Variants in NCKAP5 observed in about 807,000 individuals in gnomAD.
The protein encoded by NCKAP5 is NCK associated protein 5.
Under a neutral mutation model 167.0 loss-of-function variants are expected in NCKAP5, and 92 were observed. The ratio of observed to expected loss-of-function variants is 0.55; its 90% CI spans 0.47 to 0.66. The LOEUF (loss-of-function observed/expected upper bound fraction) is 0.66, where lower values mean the gene tolerates loss of function less well. Ranked by LOEUF, NCKAP5 falls within the 30% of genes least tolerant of loss-of-function variation. The pLI is 0.00. For missense variants in NCKAP5, 2,378 were observed against 2,315.0 expected, an observed-to-expected ratio of 1.03 and a Z score of -0.56; for synonymous variants, 891 against 877.4, an observed-to-expected ratio of 1.02 and a Z score of -0.27.
chr2:133,563,769 C>T (rs1219427296), intron 1 of NCKAP5, among the ~76,000 whole-genome samples: 2 of 152,092 alleles, frequency 1.3e-5, no homozygotes, highest in Non-Finnish European at 2.9e-5. Flanking sequence ...ATGACCAAAA[C>T]GTCATTGTGG....
At chr2:132,850,000 C>A (rs189382127) in intron 11 of NCKAP5, among the ~76,000 whole-genome samples, 3 of 152,264 alleles carry the variant, frequency 2.0e-5, no homozygotes, top group East Asian at 1.9e-4. Flanking sequence ...GAATGTGCAA[C>A]CTTGCAAAAG....
chr2:133,012,297 G>C (rs748436459), intron 6 of NCKAP5, among the ~76,000 whole-genome samples: 31 of 152,234 alleles, frequency 2.0e-4, no homozygotes, highest in Middle Eastern at 3.4e-3. Flanking sequence ...ACCCAGGCTG[G>C]AGGGCAGTGG....
the NCKAP5 span, among the ~76,000 whole-genome samples, chr2:133,646,199 C>A: frequency 6.6e-6 from 1 of 151,714 alleles, no homozygotes; most frequent in South Asian, 2.1e-4. Context: ...TGGATTAAAG[C>A]ACAAAGAAAT....
intron 16 of NCKAP5, among the ~76,000 whole-genome samples, chr2:132,747,970 A>G (rs534214763): frequency 6.6e-6 from 1 of 152,284 alleles, no homozygotes; most frequent in African/African-American, 2.4e-5. Flanking sequence ...AAGCATTCTG[A>G]ATCAGTAAGG....
intron 6 of NCKAP5, among the ~76,000 whole-genome samples, chr2:133,023,665 G>A (rs2149399148): frequency 6.6e-6 from 1 of 152,228 alleles, no homozygotes; most frequent in Non-Finnish European, 1.5e-5. Flanking sequence ...TATACGTAGT[G>A]CTTAGCTCCT....
At chr2:132,946,213 G>A (rs1287213479) in intron 8 of NCKAP5, among the ~76,000 whole-genome samples, 1 of 152,176 alleles carries the variant, frequency 6.6e-6, no homozygotes, top group Non-Finnish European at 1.5e-5. Flanking sequence ...CAAGTCTGCT[G>A]CAGCAAAAGC....
chr2:133,028,188 T>G (rs1341080236), intron 6 of NCKAP5, among the ~76,000 whole-genome samples: 1 of 152,116 alleles, frequency 6.6e-6, no homozygotes, highest in African/African-American at 2.4e-5. Context: ...GTCCTTAACA[T>G]TTTTTTATTC....
At chr2:133,024,165 A>AG (rs2078620681) in intron 6 of NCKAP5, among the ~76,000 whole-genome samples, 1 of 152,240 alleles carries the variant, frequency 6.6e-6, no homozygotes, top group Non-Finnish European at 1.5e-5. Flanking sequence ...TTGCAGATAT[A>AG]GTACAAGCTC....
chr2:133,112,425 G>C (rs1034889484), intron 6 of NCKAP5, among the ~76,000 whole-genome samples: 1 of 151,846 alleles, frequency 6.6e-6, no homozygotes, highest in East Asian at 1.9e-4. Flanking sequence ...AGTGAGCCAA[G>C]ATCGCACCAC....
At chr2:133,416,475 G>GA (rs1267358629) in intron 3 of NCKAP5, among the ~76,000 whole-genome samples, 1 of 152,040 alleles carries the variant, frequency 6.6e-6, no homozygotes, top group African/African-American at 2.4e-5. Flanking sequence ...CCATAAAAGA[G>GA]AAAAAATGCT....
chr2:133,141,329 A>T (rs1044897431), intron 5 of NCKAP5, among the ~76,000 whole-genome samples: 3 of 151,786 alleles, frequency 2.0e-5, no homozygotes, highest in African/African-American at 7.3e-5. Flanking sequence ...AAACAAAGCC[A>T]TTTATAATTC....
intron 7 of NCKAP5, among the ~76,000 whole-genome samples, chr2:132,989,813 C>T (rs1344726615): frequency 3.3e-5 from 5 of 152,068 alleles, no homozygotes; most frequent in African/African-American, 1.2e-4. Flanking sequence ...TTGGCATTTG[C>T]GAGTTCATCC....
chr2:133,529,372 A>G (rs2104818541), intron 2 of NCKAP5, among the ~76,000 whole-genome samples: 1 of 152,154 alleles, frequency 6.6e-6, no homozygotes, highest in South Asian at 2.1e-4. Flanking sequence ...TTGTTCCGTG[A>G]CTGCATTTGT....
the NCKAP5 span, among the ~76,000 whole-genome samples, chr2:133,647,274 C>G: frequency 1.3e-5 from 2 of 150,516 alleles, no homozygotes; most frequent in African/African-American, 4.9e-5. Flanking sequence ...GAATTAGATG[C>G]TGCAATGAGC....
intron 6 of NCKAP5, among the ~76,000 whole-genome samples, chr2:133,043,121 T>C (rs758055031): frequency 3.9e-5 from 6 of 152,154 alleles, no homozygotes; most frequent in Non-Finnish European, 5.9e-5. Flanking sequence ...ACCCTGACAA[T>C]GCTCCTGTTG....
intron 3 of NCKAP5, among the ~76,000 whole-genome samples, chr2:133,346,386 G>A (rs1199299370): frequency 6.6e-6 from 1 of 152,230 alleles, no homozygotes; most frequent in Non-Finnish European, 1.5e-5. Flanking sequence ...AGGATTTTCA[G>A]AGGATGAGAG....
intron 6 of NCKAP5, among the ~76,000 whole-genome samples, chr2:133,108,128 A>G (rs1461686709): frequency 6.6e-6 from 1 of 152,196 alleles, no homozygotes; most frequent in Admixed American, 6.5e-5. Flanking sequence ...GTTTTCTGTG[A>G]TCCAGAGTTC....
the NCKAP5 span, among the ~76,000 whole-genome samples, chr2:133,659,685 T>G: frequency 6.6e-6 from 1 of 151,964 alleles, no homozygotes; most frequent in African/African-American, 2.4e-5. Context: ...CTTTCTGGAG[T>G]GATAAGAATG....
rs118067940 is a variant in NCKAP5, at chr2:133,432,521, T to C, written c.69+84937A>G. ...AGATAAACTCAACATCAGGGTTATC[T>C]ATCCTGAGCACTGATGGACTCGGCT... On this transcript the variant is annotated intron_variant, in intron 3 of 19. Coordinates refer to ENST00000409261, the MANE Select transcript of NCKAP5 (RefSeq NM_207363.3). Among the ~76,000 whole-genome samples the C allele has an allele frequency of 9.7e-4, 147 of 152,306 alleles. 5 individuals are homozygous for C. The East Asian group carries it at 0.023, about 24-fold the overall frequency.
Sources: gnomAD v4.1 joint callset for allele counts (sites outside exome capture counted in the v4.1 genomes callset) on GRCh38, gnomAD v4.1.1 for gene constraint, MANE v1.5 for transcripts, NCBI Gene and HGNC (gene_info 2026-07-23, HGNC 2026-07-21) for gene names.